KLHL22: variants seen among roughly 807,000 people sequenced by gnomAD.
KLHL22 encodes the protein kelch like family member 22, also known as kelch-like protein 22.
KLHL22 carries 18 observed loss-of-function variants against 60.7 expected under a neutral mutation model. The ratio of observed to expected loss-of-function variants is 0.30; its 90% CI spans 0.20 to 0.44. KLHL22 has a LOEUF of 0.44. Among genes scored for constraint, KLHL22 ranks in the 20% least tolerant of loss-of-function variants. The pLI is 1.00. For synonymous variants in KLHL22, 355 were observed against 354.5 expected (o/e 1.00, Z -0.01); for missense variants, 596 against 852.3 (o/e 0.70, Z 3.74).
intron 5 of KLHL22, chr22:20,451,227 T>C (rs758023828): frequency 9.4e-6 from 15 of 1,600,480 alleles, no homozygotes; most frequent in African/African-American, 1.3e-5. Context: ...TCTGATGAGG[T>C]CTTGCTGGAG....
chr22:20,488,681 A>AGGGAGGGGAGGGGAGGGGAGAGTAG, intron 2 of KLHL22: 1 of 382,708 alleles, frequency 2.6e-6, no homozygotes, highest in Non-Finnish European at 4.8e-6. Context: ...AGGAATGGTA[A>AGGGAGGGGAGGGGAGGGGAGAGTAG]GGGAGGGGAG....
chr22:20,488,633 A>T, intron 2 of KLHL22: 2 of 302,808 alleles, frequency 6.6e-6, no homozygotes, highest in East Asian at 8.8e-5. Context: ...GTGAGCCAGA[A>T]GGTGATGCAT....
At chr22:20,454,811 ATCT>A (rs1176776896) in intron 5 of KLHL22, among the ~76,000 whole-genome samples, 1 of 151,984 alleles carries the variant, frequency 6.6e-6, no homozygotes, top group Non-Finnish European at 1.5e-5. Flanking sequence ...ATCTATTCAC[ATCT>A]TCTTTTATTT....
In KLHL22 at chr22:20,457,824, G is replaced by T. The variant is rs1446561925; in HGVS notation, c.1289C>A (p.Ala430Asp). ...CTTCCTTACCTCCCTCTTGAGTGGG[G>T]CCACGTATGCCCAGGAGTTGGTGGC... ...DPATNSWAYV[A>D]PLKREVYAHA... The change falls in exon 5 of 7, where the codon GCC becomes GAC. Residue 430 changes from alanine (A) to aspartate (D), a missense_variant. Transcript: ENST00000328879. The T allele has an allele frequency of 1.2e-6, 2 of 1,603,016 alleles. No homozygotes were observed. Among genetic ancestry groups the T allele is most frequent in the Admixed American group, 1.7e-5 (1 of 58,266 alleles).
rs1180725495 is a variant in KLHL22, at chr22:20,465,824, C to T, written c.394-248G>A. Among the ~76,000 whole-genome samples, 1 of 151,962 alleles carries T rather than the reference C, an allele frequency of 6.6e-6. No homozygotes were observed. Among genetic ancestry groups the T allele is most frequent in the Non-Finnish European group, 1.5e-5 (1 of 67,968 alleles). On this transcript the variant is annotated intron_variant, in intron 3 of 6. Transcript: ENST00000328879. This position sits in a 1 kb window ranked among gnomAD's most constrained non-coding sequence, Gnocchi z 4.9. The stretch of plus-strand genomic sequence containing the variant: ...CATGTTTTTTTTTGGTTTTGTTTTG[C>T]TTTTCTTTGAGACAAAGTTTCGCTC...
rs979065582 is a variant in KLHL22, at chr22:20,446,767, GC to G, written c.1306-92del. The G allele has an allele frequency of 6.5e-5, 59 of 900,806 alleles. 1 individual carries two copies. The African/African-American group carries it at 8.1e-4, about 12-fold the overall frequency. 55.8% of individuals were successfully genotyped at this position (900,806 alleles called of 1,614,324 possible). A position where few individuals can be genotyped will look rare whatever the true frequency, so the allele number is the denominator to read the frequency against. The stretch of plus-strand genomic sequence containing the variant: ...CAAGGCCAATCACCACCCCACACCT[GC>G]CTGACAACGCTGTGAGGCTTCACCA... On this transcript the variant is annotated intron_variant, in intron 5 of 6. Coordinates refer to ENST00000328879, the MANE Select transcript of KLHL22 (RefSeq NM_032775.4).
intron 4 of KLHL22, among the ~76,000 whole-genome samples, chr22:20,462,435 G>T (rs931433962): frequency 5.3e-5 from 8 of 151,890 alleles, no homozygotes; most frequent in Admixed American, 2.6e-4. Context: ...GTTCACCGAA[G>T]TCTAAAACTC....
At position 20,489,144 on chromosome 22, in the gene KLHL22, A is replaced by G. The variant is rs1569147491; in HGVS notation, c.68T>C (p.Val23Ala). The change falls in exon 2 of 7, where the codon GTG becomes GCG. Residue 23 changes from valine to alanine, a missense_variant. Val to Ala is a moderately conservative substitution (Grantham distance 64, BLOSUM62 0). Coordinates refer to ENST00000328879, the MANE Select transcript of KLHL22 (RefSeq NM_032775.4). ...LPAQPSHPHC[V>A]NNTYRSAQHS... ...CTGTGCGCTGCGGTAGGTGTTGTTCACGCAGTGTGGGTGTGAGGGCTGTGC... is the reference window on the plus strand; with the variant it reads ...CTGTGCGCTGCGGTAGGTGTTGTTCGCGCAGTGTGGGTGTGAGGGCTGTGC... 2 of 1,614,140 alleles carry G rather than the reference A, an allele frequency of 1.2e-6. No homozygotes were observed. Among genetic ancestry groups the G allele is most frequent in the Non-Finnish European group, 1.7e-6 (2 of 1,180,014 alleles).
At chr22:20,459,341 C>T (rs2053117340) in intron 4 of KLHL22, among the ~76,000 whole-genome samples, 1 of 152,216 alleles carries the variant, frequency 6.6e-6, no homozygotes, top group African/African-American at 2.4e-5. Context: ...CTCCCCGCCG[C>T]CTACCAGGAA....
intron 1 of KLHL22, chr22:20,489,698 T>G: frequency 2.1e-6 from 1 of 471,232 alleles, no homozygotes; most frequent in Non-Finnish European, 4.4e-6. Context: ...CAAGAGCTCT[T>G]CCTCCCTCCC....
intron 2 of KLHL22, among the ~76,000 whole-genome samples, chr22:20,476,499 G>A (rs922742890): frequency 7.5e-6 from 1 of 133,812 alleles, no homozygotes; most frequent in Non-Finnish European, 1.5e-5. Flanking sequence ...TGCAGGTTCC[G>A]CCCCCCGGGG....
intron 5 of KLHL22, among the ~76,000 whole-genome samples, chr22:20,447,076 G>T (rs1374859434): frequency 1.3e-5 from 2 of 152,122 alleles, no homozygotes; most frequent in African/African-American, 4.8e-5. Flanking sequence ...CACTGGACAT[G>T]CAATCCTCCG....
At chr22:20,484,020 AC>A in intron 2 of KLHL22, 1 of 756,306 alleles carries the variant, frequency 1.3e-6, no homozygotes, top group Non-Finnish European at 2.4e-6. Flanking sequence ...CACGCTGCTG[AC>A]CAGCCAGGCG....
At chr22:20,481,779 T>C (rs2053506291) in intron 2 of KLHL22, among the ~76,000 whole-genome samples, 2 of 152,072 alleles carry the variant, frequency 1.3e-5, no homozygotes. Flanking sequence ...AATATTTGTA[T>C]TTTTTGTAGA....
chr22:20,464,827 G>A (rs370955555), intron 4 of KLHL22, 31 bp downstream of exon 4: 25 of 1,374,832 alleles, frequency 1.8e-5, no homozygotes, highest in Non-Finnish European at 2.5e-5. Flanking sequence ...ATCACCTGAA[G>A]ACAAAGGGAC....
At position 20,465,276 on chromosome 22, in the gene KLHL22, T is replaced by A; in HGVS notation, c.694A>T (p.Ile232Phe). 6.2e-7 allele frequency: 1 copy of A among 1,613,980 alleles called. No homozygotes were observed. The highest frequency in any genetic ancestry group is 8.5e-7 in the Non-Finnish European group (1 of 1,179,998). ...YSLEQVQADQ[I>F]SLHEPPKLLE... ...AGCTTTGGGGGCTCGTGCAGCGAGA[T>A]CTGGTCAGCCTGCACCTGCTCCAGG... Residue 232 changes from isoleucine to phenylalanine, a missense_variant, in exon 4 of 7, where the codon ATC (isoleucine) becomes TTC (phenylalanine). By Grantham distance (21) the Ile-to-Phe change is conservative (BLOSUM62 0). Coordinates refer to ENST00000328879, the MANE Select transcript of KLHL22 (RefSeq NM_032775.4). This position sits in a 1 kb window ranked among gnomAD's most constrained non-coding sequence, Gnocchi z 4.9.
intron 5 of KLHL22, among the ~76,000 whole-genome samples, chr22:20,448,394 G>C (rs1221160149): frequency 1.3e-5 from 2 of 152,162 alleles, no homozygotes; most frequent in Non-Finnish European, 2.9e-5. Context: ...CAGCATTTCA[G>C]ATAAAGGGTA....
Position 20,442,061 on chromosome 22 carries a change from G to C in KLHL22, c.*12C>G. On this transcript the variant is annotated 3_prime_UTR_variant, in exon 7 of 7. Transcript: ENST00000328879. ...CCAGCCTCCCTTCCCTCTGATGCCA[G>C]GCACAGGGAGCCTAGTCCTCACTGG... 6.7e-7 allele frequency: 1 copy of C among 1,492,166 alleles called. No homozygotes were observed. The highest frequency in any genetic ancestry group is 8.9e-7 in the Non-Finnish European group (1 of 1,120,342). 92.4% of individuals were successfully genotyped at this position (1,492,166 alleles called of 1,614,324 possible). A position where few individuals can be genotyped will look rare whatever the true frequency, so the allele number is the denominator to read the frequency against.
intron 2 of KLHL22, among the ~76,000 whole-genome samples, chr22:20,472,644 T>TA (rs1418084382): frequency 2.0e-5 from 3 of 152,154 alleles, no homozygotes; most frequent in Non-Finnish European, 2.9e-5. Flanking sequence ...GAGAATCGCT[T>TA]GAACCCGGGA....
Sources: gnomAD v4.1 joint callset for allele counts (sites outside exome capture counted in the v4.1 genomes callset) on GRCh38, gnomAD v4.1.1 for gene constraint, Gnocchi (gnomAD v3.1) non-coding constraint, MANE v1.5 for transcripts, NCBI Gene and HGNC (gene_info 2026-07-23, HGNC 2026-07-21) for gene names.